TLCD3B: variants seen among roughly 807,000 people sequenced by gnomAD.
TLCD3B encodes the protein TLC domain containing 3B.
A neutral mutation model predicts 23.0 loss-of-function variants in TLCD3B; 9 were observed. That is an observed-to-expected ratio of 0.39 (90% confidence interval 0.24 to 0.68). TLCD3B has a LOEUF of 0.68. TLCD3B is among the 30% of genes least tolerant of loss of function. TLCD3B has a pLI of 0.44. For missense variants in TLCD3B, 307 were observed against 371.8 expected, an observed-to-expected ratio of 0.83 and a Z score of 1.43; for synonymous variants, 161 against 161.0, an observed-to-expected ratio of 1.00 and a Z score of 0.00.
At chr16:30,027,522 G>C (rs2071201295) in intron 2 of TLCD3B, 1 of 452,652 alleles carries the variant, frequency 2.2e-6, no homozygotes, top group East Asian at 7.0e-5. Flanking sequence ...AGACCCTGTT[G>C]GCAAGTGAGA....
chr16:30,024,946 GC>G lies in TLCD3B; in HGVS notation c.*236del. Reference sequence around the variant, plus strand: ...CTGCCCTCAGTGGGTGGGAGGCGGTGCCCCCTCCCCTCCTCCAGCGCAAGGG... The same window carrying G: ...CTGCCCTCAGTGGGTGGGAGGCGGTGCCCCTCCCCTCCTCCAGCGCAAGGG... On this transcript the variant is annotated 3_prime_UTR_variant, in exon 5 of 5. Coordinates refer to ENST00000380495, the MANE Select transcript of TLCD3B (RefSeq NM_031478.6). The G allele has an allele frequency of 2.2e-6, 1 of 457,710 alleles. No individual in the cohort carries two copies. The highest frequency in any genetic ancestry group is 4.0e-5 in the Admixed American group (1 of 24,988). 28.4% of individuals were successfully genotyped at this position (457,710 alleles called of 1,614,324 possible). A position where few individuals can be genotyped will look rare whatever the true frequency, so the allele number is the denominator to read the frequency against.
rs1352468328 is a variant in TLCD3B at position 30,040,143 on chromosome 16, A to ATAT, written c.-67+851_-67+852insATA. On this transcript the variant is annotated intron_variant, in intron 3 of 6. Transcript: ENST00000561666. The stretch of plus-strand genomic sequence containing the variant: ...AGCAAGACTTTGTCTCAAAAAAAAA[A>ATAT]AAAAATATATATATATATATATATA... Among the ~76,000 whole-genome samples the ATAT allele has an allele frequency of 2.6e-4, 27 of 103,584 alleles. 1 individual carries two copies. Among genetic ancestry groups the ATAT allele is most frequent in the Middle Eastern group, 4.9e-3 (1 of 204 alleles). 68.0% of individuals were successfully genotyped at this position (103,584 alleles called of 152,430 possible). A position where few individuals can be genotyped will look rare whatever the true frequency, so the allele number is the denominator to read the frequency against.
rs2071286063 is a variant in TLCD3B, at chr16:30,029,495, G to A, written c.146C>T (p.Ala49Val). ...GTAGCCGGCAGTGGAGGCCATGATG[G>A]CCTGGACAGAGGACACCAGCCTGGG... is the stretch of plus-strand genomic sequence containing the variant. ...VSARLVSSVQ[A>V]IMASTAGYIV... is the part of the protein sequence containing the mutation. Residue 49 changes from alanine (A) to valine (V), a missense_variant, in exon 2 of 5, where the codon GCC becomes GTC. Ala to Val is a moderately conservative substitution (Grantham distance 64). Coordinates refer to ENST00000380495, the MANE Select transcript of TLCD3B (RefSeq NM_031478.6). This position sits in a 1 kb window ranked among gnomAD's most constrained non-coding sequence, Gnocchi z 4.6. 1.2e-6 allele frequency: 2 copies of A among 1,613,836 alleles called. No individual in the cohort carries two copies. Among genetic ancestry groups the A allele is most frequent in the Non-Finnish European group, 1.7e-6 (2 of 1,179,910 alleles).
At chr16:30,038,715 G>T (rs1055200389) in intron 3 of TLCD3B, among the ~76,000 whole-genome samples, 5 of 151,570 alleles carry the variant, frequency 3.3e-5, no homozygotes, top group African/African-American at 1.2e-4. Flanking sequence ...CCGAGATCAC[G>T]CCACTGCACT....
chr16:30,026,866 G>C lies in TLCD3B; in HGVS notation c.210-23C>G, dbSNP rs763674711. 8 of 1,600,674 alleles carry C rather than the reference G, an allele frequency of 5.0e-6. No individual in the cohort carries two copies. The South Asian group carries it at 8.9e-5, about 18-fold the overall frequency. ...TGTCTGTTGGGCAGAGAGACGGGGT[G>C]GGGGAGCAAGGAGGAAAGGGGACAC... On this transcript the variant is annotated intron_variant, in intron 2 of 4. Transcript: ENST00000380495.
At chr16:30,050,895 C>T (rs1596785455) in intron 1 of TLCD3B, among the ~76,000 whole-genome samples, 1 of 152,082 alleles carries the variant, frequency 6.6e-6, no homozygotes, top group African/African-American at 2.4e-5. Flanking sequence ...ATTCAGCCAT[C>T]GTTTAGGAAG....
intron 1 of TLCD3B, among the ~76,000 whole-genome samples, chr16:30,051,462 A>C (rs1201279628): frequency 6.7e-6 from 1 of 148,588 alleles, no homozygotes; most frequent in Non-Finnish European, 1.5e-5. Flanking sequence ...CGGAGGTTGC[A>C]GTGAGCTGAG....
chr16:30,045,092 C>CAAAAAAAAA (rs1162281544), intron 2 of TLCD3B, among the ~76,000 whole-genome samples: 180 of 21,988 alleles, frequency 8.2e-3, no homozygotes, highest in Non-Finnish European at 9.4e-3. Flanking sequence ...GACTCCATCT[C>CAAAAAAAAA]AAAAAAAAAA....
At chr16:30,045,278 TGTGTGTGTGGTG>T (rs2071646845) in intron 2 of TLCD3B, among the ~76,000 whole-genome samples, 1 of 144,482 alleles carries the variant, frequency 6.9e-6, no homozygotes, top group South Asian at 2.2e-4. Flanking sequence ...ATGTGTGTGG[TGTGTGTGTGGTG>T]GGGTGTGTGT....
At chr16:30,040,147 A>AAATATATAT in intron 3 of TLCD3B, among the ~76,000 whole-genome samples, 45 of 95,902 alleles carry the variant, frequency 4.7e-4, no homozygotes, top group Admixed American at 7.6e-4. Flanking sequence ...AAAAAAAAAA[A>AAATATATAT]ATATATATAT....
intron 2 of TLCD3B, among the ~76,000 whole-genome samples, chr16:30,027,956 G>C (rs948598864): frequency 8.5e-5 from 13 of 152,202 alleles, no homozygotes; most frequent in African/African-American, 2.9e-4. Context: ...GGCGGCCTGT[G>C]AGTGGAGCCA....
At chr16:30,026,200 A>C (rs1274405649) in intron 3 of TLCD3B, among the ~76,000 whole-genome samples, 2 of 150,872 alleles carry the variant, frequency 1.3e-5, no homozygotes, top group Non-Finnish European at 2.9e-5. Context: ...ACACCACTGC[A>C]CTCCAGCCTG....
chr16:30,027,808 G>A (rs1033081865), intron 2 of TLCD3B: 3 of 376,848 alleles, frequency 8.0e-6, no homozygotes, highest in Admixed American at 6.2e-5. Flanking sequence ...CAGAGAGGCA[G>A]GACCTGGGGT....
Position 30,030,379 on chromosome 16 carries a change from CTGAGGGGAA to C in TLCD3B, c.125+15_125+23del, listed in dbSNP as rs1567301604. The C allele has an allele frequency of 1.3e-6, 2 of 1,542,012 alleles. No homozygotes were observed. The highest frequency in any genetic ancestry group is 1.7e-6 in the Non-Finnish European group (2 of 1,143,398). On this transcript the variant is annotated intron_variant, in intron 1 of 4. Coordinates refer to ENST00000380495, the MANE Select transcript of TLCD3B (RefSeq NM_031478.6). ...GAGAAGCCCAAGAAGCAGACAGGGG[CTGAGGGGAA>C]AGAAAGTGGTTTACCTGGCTGAGAC...
chr16:30,031,356 G>T (rs3814877), upstream of TLCD3B: 58,872 of 152,062 alleles, frequency 0.39, 11,472 homozygotes, highest in South Asian at 0.43. Context: ...AGCTGCGGTG[G>T]CACAGGGGGC....
intron 1 of TLCD3B, among the ~76,000 whole-genome samples, chr16:30,048,629 T>A (rs1342711996): frequency 6.6e-6 from 1 of 151,998 alleles, no homozygotes; most frequent in African/African-American, 2.4e-5. Context: ...AAAGGCTTTT[T>A]TTTTTTCTCG....
chr16:30,046,655 A>T (rs1171278908), intron 1 of TLCD3B: 1 of 152,242 alleles, frequency 6.6e-6, no homozygotes, highest in African/African-American at 2.4e-5. Flanking sequence ...AGGTGATTGG[A>T]GTCAGACAGC....
At chr16:30,035,514 G>T (rs2071451317), upstream of TLCD3B, 1 of 1,288,998 alleles carries the variant, frequency 7.8e-7, no homozygotes, top group African/African-American at 1.5e-5. Context: ...AGACGGCCAT[G>T]AGAACACCTC....
intron 1 of TLCD3B, among the ~76,000 whole-genome samples, chr16:30,048,272 T>G (rs11642399): frequency 0.47 from 70,752 of 151,298 alleles, 16,735 homozygotes; most frequent in African/African-American, 0.52. Context: ...AACATGCATG[T>G]CTAATTTTTC....
Sources: allele counts gnomAD v4.1 joint callset (sites outside exome capture counted in the v4.1 genomes callset), GRCh38; gene constraint gnomAD v4.1.1; non-coding constraint Gnocchi (gnomAD v3.1); transcripts MANE v1.5; gene names NCBI Gene and HGNC (gene_info 2026-07-23, HGNC 2026-07-21).